MROH1: variants seen among roughly 807,000 people sequenced by gnomAD.
MROH1 encodes maestro heat like repeat family member 1, also known as maestro heat-like repeat-containing protein family member 1.
In MROH1, 117 loss-of-function variants were observed where a neutral mutation model predicts 116.5. The ratio of observed to expected loss-of-function variants is 1.00; its 90% CI spans 0.86 to 1.17. The LOEUF (loss-of-function observed/expected upper bound fraction) is 1.17. Among genes scored for constraint, MROH1 ranks in the 50% most tolerant of loss-of-function variants. The probability of loss-of-function intolerance (pLI) is 0.00; values close to 1 mark genes in which losing one functional copy is unlikely to be tolerated. For missense variants in MROH1, 1,873 were observed against 1,338.5 expected (o/e 1.40, Z -6.23); for synonymous variants, 921 against 583.9 (o/e 1.58, Z -8.32).
Position 144,219,254 on chromosome 8 carries a change from C to T in MROH1, c.1142-1346C>T, listed in dbSNP as rs899251457. 6.6e-5 allele frequency among the ~76,000 whole-genome samples: 10 copies of T among 152,172 alleles called. No individual in the cohort carries two copies. In the East Asian group the frequency reaches 1.8e-3, roughly 27 times the overall value. Reference sequence around the variant, plus strand: ...AGCCAGGATGGTCTCGATCTCCTGACCTCGTGATCCGCCCGTCTCGGCCTC... The same window carrying T: ...AGCCAGGATGGTCTCGATCTCCTGATCTCGTGATCCGCCCGTCTCGGCCTC... On this transcript the variant is annotated intron_variant, in intron 12 of 43. Coordinates refer to ENST00000326134, the MANE Select transcript of MROH1 (RefSeq NM_032450.3).
intron 3 of MROH1, among the ~76,000 whole-genome samples, chr8:144,168,089 C>T (rs560513869): frequency 1.3e-5 from 2 of 152,284 alleles, no homozygotes; most frequent in African/African-American, 4.8e-5. Context: ...CCTACAGCTC[C>T]ACAGCCTGTC....
chr8:144,229,312 A>T (rs1216492841), intron 14 of MROH1, among the ~76,000 whole-genome samples: 1 of 152,030 alleles, frequency 6.6e-6, no homozygotes, highest in Non-Finnish European at 1.5e-5. Flanking sequence ...GAAGGTTTTC[A>T]GTTTTTGTTG....
intron 1 of MROH1, among the ~76,000 whole-genome samples, chr8:144,159,307 G>A (rs769742960): frequency 2.0e-5 from 3 of 152,146 alleles, no homozygotes; most frequent in East Asian, 1.9e-4. Context: ...GTAGTGAGCC[G>A]AGATCCTGCC....
intron 33 of MROH1, among the ~76,000 whole-genome samples, chr8:144,254,177 C>T (rs923905455): frequency 7.9e-5 from 12 of 152,168 alleles, no homozygotes; most frequent in African/African-American, 2.9e-4. Flanking sequence ...TCTTCCTATT[C>T]ACTGGGTAAG....
chr8:144,157,763 T>C (rs1818512615), intron 1 of MROH1, among the ~76,000 whole-genome samples: 1 of 148,030 alleles, frequency 6.8e-6, no homozygotes, highest in Non-Finnish European at 1.5e-5. Flanking sequence ...CTGCTACCTC[T>C]GTTTCCCAGG....
At chr8:144,253,766 G>A (rs1031752168) in intron 33 of MROH1, among the ~76,000 whole-genome samples, 1 of 152,002 alleles carries the variant, frequency 6.6e-6, no homozygotes, top group Non-Finnish European at 1.5e-5. Context: ...CCTTGTGACT[G>A]TTCTTTCCGT....
At position 144,258,906 on chromosome 8, in the gene MROH1, G is replaced by T; in HGVS notation, c.3921G>T (p.Arg1307Ser). 1 of 752,848 alleles carries T rather than the reference G, an allele frequency of 1.3e-6. No homozygotes were observed. The highest frequency in any genetic ancestry group is 2.5e-6 in the Non-Finnish European group (1 of 405,698). 46.6% of individuals were successfully genotyped at this position (752,848 alleles called of 1,614,324 possible). The change falls in exon 36 of 44, where the codon AGG (arginine) becomes AGT (serine). Residue 1307 changes from arginine to serine, a missense_variant. Arg to Ser is a moderately radical substitution (Grantham distance 110). Transcript: ENST00000326134. ...CGGGGCATGAGGAGGGGGCCACCAG[G>T]TTGGCCAGGTGAGCGGGCCCAGCCC... Reference protein sequence around the residue: ...TSAGHEEGATRLARAMAEHAG... With the variant: ...TSAGHEEGATSLARAMAEHAG...
chr8:144,232,715 G>A (rs754327957), intron 14 of MROH1, among the ~76,000 whole-genome samples: 31 of 148,518 alleles, frequency 2.1e-4, no homozygotes, highest in African/African-American at 7.6e-4. Flanking sequence ...GGATGGTCTC[G>A]ATCTCCTGAC....
chr8:144,231,379 G>A (rs1838856329), intron 14 of MROH1, among the ~76,000 whole-genome samples: 1 of 152,074 alleles, frequency 6.6e-6, no homozygotes, highest in African/African-American at 2.4e-5. Flanking sequence ...TTCCCAGTAG[G>A]GGCGGCCGGG....
At chr8:144,181,326 A>G (rs1158789507) in intron 7 of MROH1, among the ~76,000 whole-genome samples, 15 of 102,808 alleles carry the variant, frequency 1.5e-4, no homozygotes, top group East Asian at 2.7e-4. Context: ...GTGATGGGGG[A>G]GGGGCCTGGT....
intron 3 of MROH1, among the ~76,000 whole-genome samples, chr8:144,164,827 T>C (rs1187902080): frequency 2.6e-5 from 4 of 152,136 alleles, no homozygotes; most frequent in Non-Finnish European, 5.9e-5. Context: ...ATAATAGAAA[T>C]GTATTTCTCA....
chr8:144,195,607 A>C (rs1256312094), intron 10 of MROH1, among the ~76,000 whole-genome samples: 1 of 150,646 alleles, frequency 6.6e-6, no homozygotes, highest in African/African-American at 2.4e-5. Flanking sequence ...CTCCCAAAGT[A>C]TTGAGATTAC....
At chr8:144,215,925 G>A (rs925711293) in intron 12 of MROH1, among the ~76,000 whole-genome samples, 53 of 150,978 alleles carry the variant, frequency 3.5e-4, no homozygotes, top group Admixed American at 1.3e-4. Context: ...GGTGGCTCAC[G>A]CCTGTAATCC....
intron 4 of MROH1, among the ~76,000 whole-genome samples, chr8:144,168,857 C>T (rs962978649): frequency 2.0e-5 from 3 of 152,314 alleles, no homozygotes; most frequent in Non-Finnish European, 2.9e-5. Flanking sequence ...AAGGGCCCGG[C>T]GCTGCTGGTC....
chr8:144,192,816 T>G, intron 10 of MROH1: 1 of 349,392 alleles, frequency 2.9e-6, no homozygotes, highest in Admixed American at 4.2e-5. Context: ...GAGGAAGTGA[T>G]GTGGGGAGGA....
intron 24 of MROH1, 127 bp from the exon 25 acceptor site, chr8:144,243,367 T>A: frequency 1.4e-6 from 1 of 692,920 alleles, no homozygotes. Flanking sequence ...GCAAAAGGGC[T>A]GGCTAGAGAG....
chr8:144,197,473 T>A (rs1191678602), intron 10 of MROH1, among the ~76,000 whole-genome samples: 2 of 123,414 alleles, frequency 1.6e-5, no homozygotes, highest in African/African-American at 5.9e-5. Context: ...TCTTGCTCTG[T>A]CACCCAGGCT....
At chr8:144,224,186 G>A (rs990656631) in intron 14 of MROH1, among the ~76,000 whole-genome samples, 7 of 152,126 alleles carry the variant, frequency 4.6e-5, no homozygotes, top group Non-Finnish European at 5.9e-5. Context: ...ATTAGAAAAC[G>A]TTATTAAGGT....
At chr8:144,246,042 T>TCCTCCCCTC (rs1261943404) in intron 29 of MROH1, among the ~76,000 whole-genome samples, 1 of 83,680 alleles carries the variant, frequency 1.2e-5, no homozygotes, top group Non-Finnish European at 2.1e-5. Context: ...CTCCCTCCCT[T>TCCTCCCCTC]CCTCCCCTCC....
Sources: gnomAD v4.1 joint callset for allele counts (sites outside exome capture counted in the v4.1 genomes callset) on GRCh38, gnomAD v4.1.1 for gene constraint, MANE v1.5 for transcripts, NCBI Gene and HGNC (gene_info 2026-07-23, HGNC 2026-07-21) for gene names.